SETD5: variants seen among roughly 807,000 people sequenced by gnomAD.
The protein encoded by SETD5 is SET domain containing 5, also known as histone-lysine N-methyltransferase SETD5.
Under a neutral mutation model 153.3 loss-of-function variants are expected in SETD5, and 44 were observed. The observed-to-expected ratio is 0.29, with a 90% CI of 0.23 to 0.37. The LOEUF (loss-of-function observed/expected upper bound fraction) is 0.37. SETD5 is among the 10% of genes least tolerant of loss of function. The pLI is 1.00. For synonymous variants in SETD5, 716 were observed against 645.2 expected, an observed-to-expected ratio of 1.11 and a Z score of -1.66; for missense variants, 1,544 against 1,768.0, an observed-to-expected ratio of 0.87 and a Z score of 2.27.
Position 9,475,831 on chromosome 3 carries a change from A to G in SETD5, c.4069A>G (p.Thr1357Ala), listed in dbSNP as rs897775060. Residue 1357 changes from threonine (T) to alanine (A), a missense_variant, in exon 23 of 23, where the codon ACC becomes GCC. Physicochemically the swap from Thr to Ala is moderately conservative, Grantham distance 58 (BLOSUM62 0). Transcript: ENST00000402198. The stretch of plus-strand genomic sequence containing the variant: ...CCTGCAGGGACCCTCAGACTCGCCA[A>G]CCTCAGATTCAGTTTCTCAGTCCAG... ...PTLQGPSDSP[T>A]SDSVSQSSTG... is the part of the protein sequence containing the mutation. 9 of 1,613,722 alleles carry G rather than the reference A, an allele frequency of 5.6e-6. No homozygotes were observed. The African/African-American group carries it at 1.1e-4, about 19-fold the overall frequency.
At chr3:9,444,091 C>T (rs150112134) in intron 11 of SETD5, among the ~76,000 whole-genome samples, 1,586 of 152,202 alleles carry the variant, frequency 0.01, 14 homozygotes, top group Non-Finnish European at 0.017. Flanking sequence ...TAATATGTTA[C>T]CTCTACTTTT....
chr3:9,473,208 TTTTG>T lies in SETD5; in HGVS notation c.3196-16_3196-13del, dbSNP rs750629645. On this transcript the variant is annotated intron_variant, in intron 19 of 22. Transcript: ENST00000402198. ...AATGATATCCAGATAGAGTACCGTT[TTTTG>T]TTTGTTTGTTTTTTCCTTTCTAGGT... The T allele has an allele frequency of 3.7e-5, 60 of 1,601,844 alleles. 1 individual carries two copies. The highest frequency in any genetic ancestry group is 2.1e-4 in the South Asian group (19 of 90,104).
intron 3 of SETD5, 76 bp downstream of exon 3, chr3:9,429,085 A>G (rs528596504): frequency 3.0e-5 from 29 of 974,976 alleles, no homozygotes; most frequent in Non-Finnish European, 4.6e-5. Flanking sequence ...AGCTAATAGG[A>G]TAATATGTAG....
intron 11 of SETD5, among the ~76,000 whole-genome samples, chr3:9,443,897 AC>A (rs2041611116): frequency 6.6e-6 from 1 of 152,158 alleles, no homozygotes; most frequent in African/African-American, 2.4e-5. Context: ...CCCTGTCTCT[AC>A]TAAAAACACA....
In SETD5 at chr3:9,435,873, G is replaced by C. The variant is rs2040503904; in HGVS notation, c.534G>C (p.Lys178Asn). The change falls in exon 7 of 23, where the codon AAG becomes AAC. Residue 178 changes from lysine (K) to asparagine (N), a missense_variant. This residue lies in a region of SETD5 where 251 missense variants were observed against 326.9 expected (regional missense o/e 0.77). Transcript: ENST00000402198. Reference sequence around the variant, plus strand: ...AGAAGCGGAAAAAGAGTCCAGAAAAGGGTCGTGCAGCACCAAAGACGAAGA... The same window carrying C: ...AGAAGCGGAAAAAGAGTCCAGAAAACGGTCGTGCAGCACCAAAGACGAAGA... ...KPKKRKKSPE[K>N]GRAAPKTKKI... 1 of 1,594,524 alleles carries C rather than the reference G, an allele frequency of 6.3e-7. No individual in the cohort carries two copies. Among genetic ancestry groups the C allele is most frequent in the African/African-American group, 1.3e-5 (1 of 74,428 alleles).
In SETD5 at chr3:9,470,649, A is replaced by G; in HGVS notation, c.2915A>G (p.Asn972Ser). The change falls in exon 19 of 23, where the codon AAC becomes AGC. Residue 972 changes from asparagine (N) to serine (S), a missense_variant. Coordinates refer to ENST00000402198, the MANE Select transcript of SETD5 (RefSeq NM_001080517.3). Reference protein sequence around the residue: ...SGDGHQTLVRNSDQAFRTEFN... With the variant: ...SGDGHQTLVRSSDQAFRTEFN... Reference sequence around the variant, plus strand: ...GATGGACATCAGACCCTCGTGAGAAACTCAGACCAGGCATTTCGGACAGAG... The same window carrying G: ...GATGGACATCAGACCCTCGTGAGAAGCTCAGACCAGGCATTTCGGACAGAG... 6.2e-7 allele frequency: 1 copy of G among 1,613,898 alleles called. No individual in the cohort carries two copies. Among genetic ancestry groups the G allele is most frequent in the Non-Finnish European group, 8.5e-7 (1 of 1,179,880 alleles).
intron 16 of SETD5, among the ~76,000 whole-genome samples, chr3:9,451,498 G>A (rs1025358845): frequency 6.6e-6 from 1 of 152,198 alleles, no homozygotes; most frequent in African/African-American, 2.4e-5. Flanking sequence ...CCAGGCTGGA[G>A]TGCAGTGGCA....
Position 9,434,702 on chromosome 3 carries a change from C to T in SETD5, c.330-122C>T. On this transcript the variant is annotated intron_variant, in intron 5 of 22. Transcript: ENST00000402198. The surrounding 1 kb of genome is among the most constrained non-coding windows in gnomAD (Gnocchi z 5.6). ...TTGAATTTGATATGAAATTTAATGT[C>T]CTGGAAACATTTGGTAGGTGGGAGG... is the stretch of plus-strand genomic sequence containing the variant. 2.7e-6 allele frequency: 4 copies of T among 1,464,134 alleles called. No individual in the cohort carries two copies. Among genetic ancestry groups the T allele is most frequent in the Non-Finnish European group, 3.6e-6 (4 of 1,104,422 alleles). 90.7% of individuals were successfully genotyped at this position (1,464,134 alleles called of 1,614,324 possible).
Position 9,434,646 on chromosome 3 carries a change from A to C in SETD5, c.329+161A>C. 4 of 1,471,816 alleles carry C rather than the reference A, an allele frequency of 2.7e-6. No homozygotes were observed. In the South Asian group the frequency reaches 4.3e-5, roughly 16 times the overall value. 91.2% of individuals were successfully genotyped at this position (1,471,816 alleles called of 1,614,324 possible). A position where few individuals can be genotyped will look rare whatever the true frequency, so the allele number is the denominator to read the frequency against. ...TCTGCACTAGGTGAGAATTGCTGAC[A>C]ACAAGGAATGAGAGATTGATGTTAA... On this transcript the variant is annotated intron_variant, in intron 5 of 22. Transcript: ENST00000402198. This position sits in a 1 kb window ranked among gnomAD's most constrained non-coding sequence, Gnocchi z 5.6.
chr3:9,425,801 G>T (rs1426548759), intron 2 of SETD5, among the ~76,000 whole-genome samples: 3 of 152,016 alleles, frequency 2.0e-5, no homozygotes, highest in African/African-American at 7.2e-5. Flanking sequence ...TTTTAAATGG[G>T]TGTACAGTCG....
chr3:9,436,126 C>T (rs2125114274), intron 7 of SETD5, among the ~76,000 whole-genome samples: 1 of 152,274 alleles, frequency 6.6e-6, no homozygotes, highest in East Asian at 1.9e-4. Flanking sequence ...TCTTCTACTC[C>T]AGTCCCCATC....
At chr3:9,416,219 A>G (rs1232457886) in intron 1 of SETD5, among the ~76,000 whole-genome samples, 2 of 152,146 alleles carry the variant, frequency 1.3e-5, no homozygotes, top group African/African-American at 4.8e-5. Context: ...AAGTACTCTA[A>G]GAGATTGCTC....
At chr3:9,426,213 C>CTTTTT (rs879676601) in intron 2 of SETD5, 1 of 68,498 alleles carries the variant, frequency 1.5e-5, no homozygotes, top group Non-Finnish European at 2.5e-5. Context: ...TCATCAGTCC[C>CTTTTT]TTTTTTTTTT....
At chr3:9,472,695 TCTCC>T (rs2045436844) in intron 19 of SETD5, among the ~76,000 whole-genome samples, 1 of 151,944 alleles carries the variant, frequency 6.6e-6, no homozygotes, top group South Asian at 2.1e-4. Flanking sequence ...TCCTTCTCTC[TCTCC>T]CTCTCTCTCT....
chr3:9,417,411 G>C (rs1050755839), intron 1 of SETD5, among the ~76,000 whole-genome samples: 4 of 152,030 alleles, frequency 2.6e-5, no homozygotes, highest in African/African-American at 7.2e-5. Flanking sequence ...TATACCAAGT[G>C]ATTTTGTTCC....
chr3:9,429,080 A>T, intron 3 of SETD5, 71 bp downstream of exon 3: 2 of 1,000,970 alleles, frequency 2.0e-6, no homozygotes, highest in South Asian at 2.8e-5. Flanking sequence ...TGGATAGCTA[A>T]TAGGATAATA....
chr3:9,431,326 G>C, intron 3 of SETD5: 1 of 985,420 alleles, frequency 1.0e-6, no homozygotes. Flanking sequence ...GAGTATATCT[G>C]TTGTGAGCCT....
At chr3:9,404,386 TATA>T (rs2035330355) in intron 1 of SETD5, among the ~76,000 whole-genome samples, 1 of 152,248 alleles carries the variant, frequency 6.6e-6, no homozygotes, top group Non-Finnish European at 1.5e-5. Flanking sequence ...GCAGTAATGA[TATA>T]ATATTTCGAC....
At chr3:9,472,703 TCTCTCTCCACCTAC>T in intron 19 of SETD5, among the ~76,000 whole-genome samples, 1 of 151,556 alleles carries the variant, frequency 6.6e-6, no homozygotes, top group East Asian at 1.9e-4. Flanking sequence ...TCTCTCCCTC[TCTCTCTCCACCTAC>T]CTCTCCCCAC....
Sources: gnomAD v4.1 joint callset for allele counts (sites outside exome capture counted in the v4.1 genomes callset) on GRCh38, gnomAD v4.1.1 for gene constraint, gnomAD v4.1.1 regional missense constraint, Gnocchi (gnomAD v3.1) non-coding constraint, MANE v1.5 for transcripts, NCBI Gene and HGNC (gene_info 2026-07-23, HGNC 2026-07-21) for gene names.